EVI5: variants seen among roughly 807,000 people sequenced by gnomAD.
EVI5 encodes ecotropic viral integration site 5.
Under a neutral mutation model 112.0 loss-of-function variants are expected in EVI5, and 73 were observed. The observed-to-expected ratio is 0.65, with a 90% CI of 0.54 to 0.79. EVI5 has a LOEUF of 0.79. EVI5 is among the 30% of genes least tolerant of loss of function. The probability of loss-of-function intolerance (pLI) is 0.00; values close to 1 mark genes in which losing one functional copy is unlikely to be tolerated. For missense variants in EVI5, 900 were observed against 968.8 expected, an observed-to-expected ratio of 0.93 and a Z score of 0.94; for synonymous variants, 305 against 319.9, an observed-to-expected ratio of 0.95 and a Z score of 0.50.
rs1685466806 is a variant in EVI5 at position 92,785,104 on chromosome 1, A to C, written c.-350T>G. The C allele has an allele frequency of 2.0e-6, 2 of 985,216 alleles. No homozygotes were observed. 61.0% of individuals were successfully genotyped at this position (985,216 alleles called of 1,614,324 possible). A position where few individuals can be genotyped will look rare whatever the true frequency, so the allele number is the denominator to read the frequency against. ...GGGTCCGGCCCGGCCGCGTCAGGAGAGCCCAAGGCGCAGGCGCGGGAGGGC... is the reference window on the plus strand; with the variant it reads ...GGGTCCGGCCCGGCCGCGTCAGGAGCGCCCAAGGCGCAGGCGCGGGAGGGC... On this transcript the variant is annotated 5_prime_UTR_variant, in exon 1 of 20. Coordinates refer to ENST00000684568, the MANE Select transcript of EVI5 (RefSeq NM_001350197.2).
intron 13 of EVI5, chr1:92,647,145 T>C (rs1316611272): frequency 6.1e-6 from 1 of 163,474 alleles, no homozygotes; most frequent in African/African-American, 2.4e-5. Flanking sequence ...CAGGACCCTT[T>C]GCACCAGACT....
intron 13 of EVI5, among the ~76,000 whole-genome samples, chr1:92,657,795 C>A (rs1041699637): frequency 2.0e-5 from 3 of 152,160 alleles, no homozygotes; most frequent in Admixed American, 2.0e-4. Flanking sequence ...ACAGGAAGCA[C>A]TGGCATTTAC....
intron 1 of EVI5, among the ~76,000 whole-genome samples, chr1:92,742,170 C>T (rs1200432901): frequency 6.6e-6 from 1 of 151,802 alleles, no homozygotes; most frequent in Admixed American, 6.6e-5. Flanking sequence ...AGACATTTCC[C>T]CAAAGAAGAT....
At chr1:92,759,282 G>C (rs1681441580) in intron 1 of EVI5, among the ~76,000 whole-genome samples, 1 of 151,944 alleles carries the variant, frequency 6.6e-6, no homozygotes, top group Non-Finnish European at 1.5e-5. Flanking sequence ...CCATATTTAT[G>C]GAAAAAAAGA....
intron 16 of EVI5, among the ~76,000 whole-genome samples, chr1:92,621,544 T>C (rs10874723): frequency 0.92 from 140,163 of 152,140 alleles, 64,653 homozygotes; most frequent in East Asian, 0.97. Context: ...AAACTCCTGA[T>C]CTCAGGTGAT....
At chr1:92,735,293 CA>C (rs1677136942) in intron 2 of EVI5, among the ~76,000 whole-genome samples, 2 of 151,746 alleles carry the variant, frequency 1.3e-5, no homozygotes, top group Admixed American at 1.3e-4. Flanking sequence ...TAATCCATAC[CA>C]AAAAAACTAC....
intron 7 of EVI5, 78 bp downstream of exon 7, chr1:92,695,232 C>T: frequency 2.0e-5 from 24 of 1,202,984 alleles, no homozygotes; most frequent in African/African-American, 3.1e-5. Flanking sequence ...TCCTTCATTG[C>T]TCTCCTCATT....
At chr1:92,783,371 C>CAA (rs11384853) in intron 1 of EVI5, among the ~76,000 whole-genome samples, 2,808 of 136,322 alleles carry the variant, frequency 0.021, 64 homozygotes, top group African/African-American at 0.055. Flanking sequence ...ACTAAAAATA[C>CAA]AAAAAAAAAA....
chr1:92,575,085 G>A (rs1043580753), intron 18 of EVI5, among the ~76,000 whole-genome samples: 6 of 152,128 alleles, frequency 3.9e-5, no homozygotes, highest in Admixed American at 1.3e-4. Context: ...TAAAAGCATC[G>A]AGTCCATTAT....
intron 1 of EVI5, among the ~76,000 whole-genome samples, chr1:92,739,292 A>AAAG (rs35522653): frequency 2.7e-5 from 4 of 150,474 alleles, no homozygotes; most frequent in South Asian, 2.1e-4. Context: ...AAAAAAAAAA[A>AAAG]GCGAACACAC....
chr1:92,784,997 G>C lies in EVI5; in HGVS notation c.-243C>G, dbSNP rs1481030270. The C allele has an allele frequency of 2.0e-6, 2 of 985,292 alleles. No individual in the cohort carries two copies. The highest frequency in any genetic ancestry group is 2.4e-6 in the Non-Finnish European group (2 of 830,020). 61.0% of individuals were successfully genotyped at this position (985,292 alleles called of 1,614,324 possible). ...TCACTCAGAAGCTCAGGGCCGCCTC[G>C]CGACCCTCACCTACCCCTCCCGGCA... is the stretch of plus-strand genomic sequence containing the variant. On this transcript the variant is annotated 5_prime_UTR_variant, in exon 1 of 20. Transcript: ENST00000684568.
intron 2 of EVI5, among the ~76,000 whole-genome samples, chr1:92,715,621 G>A (rs1229903592): frequency 6.6e-6 from 1 of 152,156 alleles, no homozygotes; most frequent in Non-Finnish European, 1.5e-5. Context: ...GACAGTGGGT[G>A]CAGCCCACAG....
At chr1:92,621,048 C>A (rs1375106188) in intron 16 of EVI5, among the ~76,000 whole-genome samples, 1 of 151,708 alleles carries the variant, frequency 6.6e-6, no homozygotes, top group East Asian at 1.9e-4. Flanking sequence ...AAGGTAAACT[C>A]TATTTATTGT....
chr1:92,545,381 A>AAAACT (rs1665512146), intron 19 of EVI5, among the ~76,000 whole-genome samples: 1 of 150,918 alleles, frequency 6.6e-6, no homozygotes, highest in Non-Finnish European at 1.5e-5. Context: ...GTTTCTTTTA[A>AAAACT]AAACTAGTAT....
intron 1 of EVI5, among the ~76,000 whole-genome samples, chr1:92,762,168 T>C (rs1387212079): frequency 6.6e-6 from 1 of 152,208 alleles, no homozygotes; most frequent in African/African-American, 2.4e-5. Flanking sequence ...TATCTTTTCT[T>C]AGATGTCTAT....
chr1:92,786,870 C>G (rs575617851), upstream of EVI5, among the ~76,000 whole-genome samples: 4 of 152,310 alleles, frequency 2.6e-5, no homozygotes, highest in South Asian at 8.3e-4. Context: ...GCTCCAGCCA[C>G]GCTAGCCTCT....
rs1036335030 is a variant in EVI5 at position 92,527,438 on chromosome 1, A to T, written c.2167-13468T>A. ...TCAAAAAAAAAAAAAAAAAAAGAAA[A>T]AAAGAAATAAAAGAAAAGAAAAAAA... is the stretch of plus-strand genomic sequence containing the variant. On this transcript the variant is annotated intron_variant, in intron 19 of 19. Coordinates refer to ENST00000684568, the MANE Select transcript of EVI5 (RefSeq NM_001350197.2). 1.1e-4 allele frequency among the ~76,000 whole-genome samples: 16 copies of T among 151,710 alleles called. 1 individual carries two copies. Among genetic ancestry groups the T allele is most frequent in the African/African-American group, 3.4e-4 (14 of 41,398 alleles).
intron 19 of EVI5, among the ~76,000 whole-genome samples, chr1:92,544,807 G>A (rs961047044): frequency 1.3e-5 from 2 of 152,160 alleles, no homozygotes; most frequent in African/African-American, 4.8e-5. Context: ...TCCTCCTGAG[G>A]TGCTCACAGG....
intron 2 of EVI5, among the ~76,000 whole-genome samples, 187 bp downstream of exon 2, chr1:92,736,211 C>T (rs1335758978): frequency 6.6e-6 from 1 of 151,980 alleles, no homozygotes; most frequent in African/African-American, 2.4e-5. Flanking sequence ...ATCTCTAAAG[C>T]TATTTGAGCC....
Sources: gnomAD v4.1 joint callset for allele counts (sites outside exome capture counted in the v4.1 genomes callset) on GRCh38, gnomAD v4.1.1 for gene constraint, MANE v1.5 for transcripts, NCBI Gene and HGNC (gene_info 2026-07-23, HGNC 2026-07-21) for gene names.